The following NRF1 variants were observed in gnomAD, a reference collection of about 807,000 sequenced individuals.
The protein encoded by NRF1 is nuclear respiratory factor 1, also known as alpha palindromic-binding protein.
Under a neutral mutation model 58.5 loss-of-function variants are expected in NRF1, and 5 were observed. That is an observed-to-expected ratio of 0.09 (90% CI 0.04 to 0.18). The LOEUF (loss-of-function observed/expected upper bound fraction) is 0.18. NRF1 is among the 10% of genes least tolerant of loss of function. NRF1 has a pLI of 1.00. For synonymous variants in NRF1, 224 were observed against 246.7 expected, an observed-to-expected ratio of 0.91 and a Z score of 0.86; for missense variants, 288 against 657.7, an observed-to-expected ratio of 0.44 and a Z score of 6.15.
At chr7:129,680,470 A>G (rs1187201188) in intron 4 of NRF1, among the ~76,000 whole-genome samples, 1 of 152,228 alleles carries the variant, frequency 6.6e-6, no homozygotes, top group Non-Finnish European at 1.5e-5. Flanking sequence ...CTGAAAGCAT[A>G]TGTTCATACA....
chr7:129,696,841 T>C (rs1802710580), intron 5 of NRF1, among the ~76,000 whole-genome samples: 1 of 152,136 alleles, frequency 6.6e-6, no homozygotes, highest in African/African-American at 2.4e-5. Context: ...AATGAGAAGG[T>C]TAGCATGATT....
At chr7:129,651,001 A>G (rs911024292) in intron 1 of NRF1, among the ~76,000 whole-genome samples, 5 of 152,216 alleles carry the variant, frequency 3.3e-5, no homozygotes, top group African/African-American at 9.7e-5. Context: ...CATATCTGGC[A>G]TTAACCAACC....
At chr7:129,701,738 T>G (rs1209971926) in intron 5 of NRF1, among the ~76,000 whole-genome samples, 1 of 152,210 alleles carries the variant, frequency 6.6e-6, no homozygotes, top group Non-Finnish European at 1.5e-5. Context: ...TGTTAAAATG[T>G]TAAATCCATA....
At chr7:129,702,556 A>G (rs575582029) in intron 5 of NRF1, among the ~76,000 whole-genome samples, 6 of 152,342 alleles carry the variant, frequency 3.9e-5, no homozygotes, top group Non-Finnish European at 7.3e-5. Flanking sequence ...AATAATTCCC[A>G]ATATAGGGCA....
intron 10 of NRF1, among the ~76,000 whole-genome samples, chr7:129,744,013 C>T (rs1187717533): frequency 6.6e-6 from 1 of 152,168 alleles, no homozygotes; most frequent in African/African-American, 2.4e-5. Context: ...TTGGTGCTGG[C>T]ATGCTTGCCG....
At chr7:129,695,544 C>G (rs1298785930) in intron 5 of NRF1, among the ~76,000 whole-genome samples, 1 of 150,600 alleles carries the variant, frequency 6.6e-6, no homozygotes, top group Non-Finnish European at 1.5e-5. Context: ...CCACTGCACT[C>G]CAGCCTGGGT....
At chr7:129,666,066 A>G (rs1398354825) in intron 2 of NRF1, among the ~76,000 whole-genome samples, 1 of 152,258 alleles carries the variant, frequency 6.6e-6, no homozygotes, top group Non-Finnish European at 1.5e-5. Context: ...ATTGTGCAGC[A>G]AGTAGAAAAT....
intron 4 of NRF1, among the ~76,000 whole-genome samples, chr7:129,682,498 A>T (rs1802340370): frequency 6.6e-6 from 1 of 151,900 alleles, no homozygotes; most frequent in South Asian, 2.1e-4. Flanking sequence ...CCGCAATGAT[A>T]GTAAGAGGAT....
chr7:129,641,818 T>A (rs911667551), intron 1 of NRF1: 2 of 152,288 alleles, frequency 1.3e-5, no homozygotes, highest in Non-Finnish European at 2.9e-5. Flanking sequence ...TAGTTGGGAC[T>A]ACAGGTGCGT....
intron 1 of NRF1, among the ~76,000 whole-genome samples, chr7:129,636,762 C>T (rs1394808539): frequency 3.9e-5 from 6 of 152,026 alleles, no homozygotes; most frequent in South Asian, 4.1e-4. Flanking sequence ...TGTGTTGCTT[C>T]GATAGATACG....
chr7:129,751,647 G>C (rs1206184951), intron 10 of NRF1, among the ~76,000 whole-genome samples: 1 of 151,302 alleles, frequency 6.6e-6, no homozygotes, highest in East Asian at 1.9e-4. Flanking sequence ...GCACACTGTA[G>C]TCACTGTATT....
chr7:129,744,254 G>A (rs994735080), intron 10 of NRF1: 75 of 1,543,088 alleles, frequency 4.9e-5, no homozygotes, highest in Non-Finnish European at 6.0e-5. Context: ...GGGGAAAGAA[G>A]GAAGCAGCTG....
At chr7:129,745,506 A>ACCCCCCCCCCCCC (rs35406699) in intron 10 of NRF1, among the ~76,000 whole-genome samples, 1 of 112,582 alleles carries the variant, frequency 8.9e-6, no homozygotes, top group Non-Finnish European at 1.8e-5. Flanking sequence ...ATCCCCCTCA[A>ACCCCCCCCCCCCC]CCCCCCCCCC....
intron 5 of NRF1, among the ~76,000 whole-genome samples, chr7:129,707,021 T>G (rs1171843182): frequency 6.6e-6 from 1 of 152,086 alleles, no homozygotes. Context: ...TGAGACAAGG[T>G]CTCACTCTGT....
chr7:129,613,896 G>T (rs1800600342), intron 1 of NRF1, among the ~76,000 whole-genome samples: 1 of 151,898 alleles, frequency 6.6e-6, no homozygotes, highest in African/African-American at 2.4e-5. Flanking sequence ...ACTCCAGCCC[G>T]GGGGACAAGA....
intron 1 of NRF1, among the ~76,000 whole-genome samples, chr7:129,624,352 G>A (rs982474674): frequency 1.3e-5 from 2 of 152,066 alleles, no homozygotes. Flanking sequence ...TACTGTGTTG[G>A]TGTTCATTAC....
At chr7:129,645,669 C>G (rs1314272344) in intron 1 of NRF1, among the ~76,000 whole-genome samples, 1 of 152,070 alleles carries the variant, frequency 6.6e-6, no homozygotes, top group African/African-American at 2.4e-5. Flanking sequence ...AGTGTTATTT[C>G]TATGAAGAGA....
intron 1 of NRF1, among the ~76,000 whole-genome samples, chr7:129,633,976 C>T (rs1392270616): frequency 6.7e-6 from 1 of 149,114 alleles, no homozygotes; most frequent in Non-Finnish European, 1.5e-5. Flanking sequence ...AATCCCTGTA[C>T]CCCACTTTGA....
intron 9 of NRF1, among the ~76,000 whole-genome samples, chr7:129,719,999 G>A (rs1156573692): frequency 6.6e-6 from 1 of 152,146 alleles, no homozygotes; most frequent in East Asian, 1.9e-4. Flanking sequence ...TAAGGACCAG[G>A]GCTTGTTTCT....
Sources: allele counts gnomAD v4.1 joint callset (sites outside exome capture counted in the v4.1 genomes callset), GRCh38; gene constraint gnomAD v4.1.1; transcripts MANE v1.5; gene names NCBI Gene and HGNC (gene_info 2026-07-23, HGNC 2026-07-21).